The following PPP1R3A variants were observed in gnomAD, a reference collection of about 807,000 sequenced individuals.
The protein encoded by PPP1R3A is RG1.
PPP1R3A carries 29 observed loss-of-function variants against 41.7 expected under a neutral mutation model. That is an observed-to-expected ratio of 0.70 (90% CI 0.52 to 0.95). The LOEUF is 0.95. PPP1R3A is among the 40% of genes least tolerant of loss of function. The pLI is 0.00. For synonymous variants in PPP1R3A, 485 were observed against 453.4 expected (o/e 1.07, Z -0.89); for missense variants, 1,352 against 1,292.4 (o/e 1.05, Z -0.71).
intron 1 of PPP1R3A, among the ~76,000 whole-genome samples, chr7:113,895,642 C>A (rs1796964584): frequency 6.6e-6 from 1 of 151,878 alleles, no homozygotes; most frequent in African/African-American, 2.4e-5. Context: ...TATTTTCAAG[C>A]AATTCCATTT....
intron 1 of PPP1R3A, among the ~76,000 whole-genome samples, chr7:113,896,288 A>G (rs892606223): frequency 6.6e-6 from 1 of 151,910 alleles, no homozygotes; most frequent in Admixed American, 6.6e-5. Context: ...TCTTCATAAA[A>G]GAGCCTATAC....
intron 1 of PPP1R3A, among the ~76,000 whole-genome samples, chr7:113,916,982 T>G (rs528592701): frequency 6.6e-6 from 1 of 152,194 alleles, no homozygotes; most frequent in African/African-American, 2.4e-5. Flanking sequence ...ATAAACATAA[T>G]ATATATGTTT....
At chr7:113,890,399 C>A (rs1443372922) in intron 1 of PPP1R3A, among the ~76,000 whole-genome samples, 1 of 152,088 alleles carries the variant, frequency 6.6e-6, no homozygotes, top group African/African-American at 2.4e-5. Context: ...GAATCAGCAT[C>A]TCTGAGTGGG....
chr7:113,914,722 T>C (rs184133025), intron 1 of PPP1R3A, among the ~76,000 whole-genome samples: 15 of 152,238 alleles, frequency 9.9e-5, no homozygotes, highest in African/African-American at 3.6e-4. Flanking sequence ...TAAAAGTTTA[T>C]ATGTATTACT....
intron 1 of PPP1R3A, among the ~76,000 whole-genome samples, chr7:113,890,684 C>T (rs1439776254): frequency 6.6e-6 from 1 of 151,958 alleles, no homozygotes; most frequent in Non-Finnish European, 1.5e-5. Flanking sequence ...TCATCTGTGA[C>T]TTACAGAATA....
chr7:113,918,573 T>C lies in PPP1R3A; in HGVS notation c.424A>G (p.Ile142Val), dbSNP rs1432508699. ...TTCAAAACTCGAATAATACCCTTGA[T>C]ACTTGTAGACCCAAGAAGAGACTCA... is the stretch of plus-strand genomic sequence containing the variant. ...STESLLGSTS[I>V]KGIIRVLNVS... The change falls in exon 1 of 4, where the codon ATC becomes GTC. Residue 142 changes from isoleucine to valine, a missense_variant. By Grantham distance (29) the Ile-to-Val change is conservative (BLOSUM62 3). Coordinates refer to ENST00000284601, the MANE Select transcript of PPP1R3A (RefSeq NM_002711.4). The C allele has an allele frequency of 6.2e-7, 1 of 1,613,274 alleles. No homozygotes were observed. The highest frequency in any genetic ancestry group is 8.5e-7 in the Non-Finnish European group (1 of 1,179,460).
Position 113,917,143 on chromosome 7 carries a change from A to G in PPP1R3A, c.782+1072T>C, listed in dbSNP as rs566469623. On this transcript the variant is annotated intron_variant, in intron 1 of 3. Transcript: ENST00000284601. ...TATTAAATTCCCCTTAGAGAATTAA[A>G]TCTGGGTGTCTTGATTCCAAAACAG... 1.8e-3 allele frequency among the ~76,000 whole-genome samples: 276 copies of G among 152,206 alleles called. 2 individuals carry two copies. The highest frequency in any genetic ancestry group is 6.4e-3 in the African/African-American group (267 of 41,562).
chr7:113,902,111 C>A (rs117966806), intron 1 of PPP1R3A, among the ~76,000 whole-genome samples: 1 of 151,646 alleles, frequency 6.6e-6, no homozygotes, highest in Admixed American at 6.6e-5. Context: ...GAACTCAGTC[C>A]TGTTCCTCTT....
intron 1 of PPP1R3A, among the ~76,000 whole-genome samples, chr7:113,893,235 A>T (rs921909609): frequency 6.6e-6 from 1 of 152,020 alleles, no homozygotes; most frequent in Non-Finnish European, 1.5e-5. Context: ...GAGTATTCTG[A>T]GTATCATTTA....
In PPP1R3A at chr7:113,877,420, T is replaced by C. The variant is rs888811323; in HGVS notation, c.*303A>G. On this transcript the variant is annotated 3_prime_UTR_variant, in exon 4 of 4. Transcript: ENST00000284601. ...GAAATGAATGCAAGAAATAGCACTTTAAGTAGTGAAGAGATGTGAAGCATT... is the reference window on the plus strand; with the variant it reads ...GAAATGAATGCAAGAAATAGCACTTCAAGTAGTGAAGAGATGTGAAGCATT... 1 of 243,842 alleles carries C rather than the reference T, an allele frequency of 4.1e-6. No homozygotes were observed. Among genetic ancestry groups the C allele is most frequent in the African/African-American group, 2.2e-5 (1 of 44,712 alleles). The allele number at this position is 243,842 out of a possible 1,614,324, so 15.1% of individuals were successfully genotyped here. A position where few individuals can be genotyped will look rare whatever the true frequency, so the allele number is the denominator to read the frequency against.
intron 1 of PPP1R3A, among the ~76,000 whole-genome samples, chr7:113,905,297 G>GATAGTACT (rs1797127458): frequency 1.3e-5 from 2 of 151,574 alleles, no homozygotes; most frequent in African/African-American, 4.8e-5. Flanking sequence ...TAATATGCCT[G>GATAGTACT]ATAGTACTAT....
chr7:113,896,023 A>T (rs1357388917), intron 1 of PPP1R3A, among the ~76,000 whole-genome samples: 1 of 151,930 alleles, frequency 6.6e-6, no homozygotes, highest in Non-Finnish European at 1.5e-5. Context: ...AGCGTATAAG[A>T]GAGTCATTAA....
Position 113,882,325 on chromosome 7 carries a change from T to G in PPP1R3A, c.783-5A>C, listed in dbSNP as rs1796707754. 7.0e-7 allele frequency: 1 copy of G among 1,429,194 alleles called. No individual in the cohort carries two copies. The highest frequency in any genetic ancestry group is 1.7e-5 in the Admixed American group (1 of 58,794). The allele number at this position is 1,429,194 out of a possible 1,614,324, so 88.5% of individuals were successfully genotyped here. On this transcript the variant is annotated splice_polypyrimidine_tract_variant and splice_region_variant and intron_variant, in intron 1 of 3. Coordinates refer to ENST00000284601, the MANE Select transcript of PPP1R3A (RefSeq NM_002711.4). ...GTTACTGATGATTCTTCTTTACTGT[T>G]AAATTTAAAAGAAAATGTTATATGT...
In PPP1R3A at chr7:113,879,384, T is replaced by C. The variant is rs758300801; in HGVS notation, c.1708A>G (p.Thr570Ala). The stretch of plus-strand genomic sequence containing the variant: ...GTGATTGCCCGGGTGGGGATTGCGG[T>C]ATGTTCGCTCAGCAGAGTAGCCAGG... ...RDLATLLSEH[T>A]AIPTRAITAD... The change falls in exon 4 of 4, where the codon ACC becomes GCC. Residue 570 changes from threonine (T) to alanine (A), a missense_variant. By Grantham distance (58) the Thr-to-Ala change is moderately conservative. Coordinates refer to ENST00000284601, the MANE Select transcript of PPP1R3A (RefSeq NM_002711.4). The C allele has an allele frequency of 6.2e-7, 1 of 1,613,544 alleles. No individual in the cohort carries two copies. The highest frequency in any genetic ancestry group is 2.2e-5 in the East Asian group (1 of 44,834).
chr7:113,911,119 T>G (rs950675432), intron 1 of PPP1R3A, among the ~76,000 whole-genome samples: 6 of 152,098 alleles, frequency 3.9e-5, no homozygotes, highest in African/African-American at 1.4e-4. Context: ...ACGACAGGTT[T>G]GTTTAATTGG....
chr7:113,905,027 C>T (rs1173225443), intron 1 of PPP1R3A, among the ~76,000 whole-genome samples: 1 of 151,618 alleles, frequency 6.6e-6, no homozygotes, highest in Non-Finnish European at 1.5e-5. Context: ...ATCTCCACAA[C>T]ACATTTTTAC....
rs1438886324 is a variant in PPP1R3A, at chr7:113,918,681, A to G, written c.316T>C (p.Leu106=). Residue 106 remains leucine (L), a synonymous_variant, in exon 1 of 4, where the codon TTA becomes CTA. Coordinates refer to ENST00000284601, the MANE Select transcript of PPP1R3A (RefSeq NM_002711.4). ...GAAGGCAAGTCAAACAGTGGGGCTA[A>G]AACATATTCTTCTGTGTGGAAAATG... ...TDIFHTEEYV[L]APLFDLPSSK... is the part of the protein sequence containing the mutation. 2.5e-6 allele frequency: 4 copies of G among 1,613,736 alleles called. No individual in the cohort carries two copies.
At chr7:113,914,109 A>G (rs1797299966) in intron 1 of PPP1R3A, among the ~76,000 whole-genome samples, 1 of 152,298 alleles carries the variant, frequency 6.6e-6, no homozygotes, top group African/African-American at 2.4e-5. Flanking sequence ...TAGCTGAACA[A>G]GATTTGATAA....
At chr7:113,892,376 T>C (rs941172127) in intron 1 of PPP1R3A, among the ~76,000 whole-genome samples, 3 of 152,088 alleles carry the variant, frequency 2.0e-5, no homozygotes, top group Non-Finnish European at 4.4e-5. Flanking sequence ...GTGGACTGTT[T>C]CTTTTCATAA....
Sources: gnomAD v4.1 joint callset for allele counts (sites outside exome capture counted in the v4.1 genomes callset) on GRCh38, gnomAD v4.1.1 for gene constraint, MANE v1.5 for transcripts, NCBI Gene and HGNC (gene_info 2026-07-23, HGNC 2026-07-21) for gene names.